The following SNX13 variants were observed in gnomAD, a reference collection of about 807,000 sequenced individuals.
The protein encoded by SNX13 is sorting nexin 13.
SNX13 carries 45 observed loss-of-function variants against 133.6 expected under a neutral mutation model. That is an observed-to-expected ratio of 0.34 (90% CI 0.27 to 0.43). The LOEUF is 0.43. Ranked by LOEUF, SNX13 falls within the 20% of genes least tolerant of loss-of-function variation. SNX13 has a pLI of 1.00. For synonymous variants in SNX13, 414 were observed against 373.9 expected, an observed-to-expected ratio of 1.11 and a Z score of -1.24; for missense variants, 1,032 against 1,145.1, an observed-to-expected ratio of 0.90 and a Z score of 1.43.
At chr7:17,938,363 T>C (rs1376348010) in intron 1 of SNX13, among the ~76,000 whole-genome samples, 2 of 152,218 alleles carry the variant, frequency 1.3e-5, no homozygotes, top group East Asian at 1.9e-4. Context: ...GTTTCGACTG[T>C]CACTAATATT....
chr7:17,854,767 CCTCT>C (rs1434404223), intron 9 of SNX13, among the ~76,000 whole-genome samples: 22 of 152,164 alleles, frequency 1.4e-4, no homozygotes, highest in Non-Finnish European at 2.9e-5. Context: ...TCTAGTAGGG[CCTCT>C]CTATTAACTC....
At chr7:17,908,721 C>G (rs1343796554) in intron 1 of SNX13, among the ~76,000 whole-genome samples, 2 of 152,120 alleles carry the variant, frequency 1.3e-5, no homozygotes, top group Non-Finnish European at 2.9e-5. Context: ...GTAAATAAAG[C>G]ATAGTTTTCC....
At chr7:17,896,734 T>C (rs1797254521) in intron 2 of SNX13, among the ~76,000 whole-genome samples, 1 of 152,118 alleles carries the variant, frequency 6.6e-6, no homozygotes, top group Admixed American at 6.6e-5. Context: ...AATATTTCCT[T>C]GTAATTCGTG....
chr7:17,882,724 G>GT (rs970762859), intron 5 of SNX13: 127 of 984,758 alleles, frequency 1.3e-4, no homozygotes, highest in Non-Finnish European at 1.6e-4. Context: ...ATCAAGATTA[G>GT]TAACAACCTG....
chr7:17,876,683 A>G (rs1223130068), intron 5 of SNX13, among the ~76,000 whole-genome samples: 1 of 152,110 alleles, frequency 6.6e-6, no homozygotes, highest in East Asian at 1.9e-4. Flanking sequence ...ATACTCATGA[A>G]AAAGGTGATT....
intron 17 of SNX13, among the ~76,000 whole-genome samples, chr7:17,824,900 G>A (rs2128305058): frequency 6.6e-6 from 1 of 151,916 alleles, no homozygotes; most frequent in East Asian, 1.9e-4. Context: ...CTCCCTAGTA[G>A]CTGGGACTAC....
intron 9 of SNX13, among the ~76,000 whole-genome samples, chr7:17,854,772 C>G (rs1276770717): frequency 6.6e-6 from 1 of 152,094 alleles, no homozygotes; most frequent in East Asian, 1.9e-4. Context: ...TAGGGCCTCT[C>G]TATTAACTCA....
At chr7:17,870,864 T>A (rs1158119532) in intron 8 of SNX13, among the ~76,000 whole-genome samples, 1 of 152,182 alleles carries the variant, frequency 6.6e-6, no homozygotes, top group Non-Finnish European at 1.5e-5. Flanking sequence ...AACAATTGGA[T>A]ACTATCCATA....
At chr7:17,833,106 CTTCA>C (rs1362656183) in intron 15 of SNX13, among the ~76,000 whole-genome samples, 2 of 151,444 alleles carry the variant, frequency 1.3e-5, no homozygotes, top group Non-Finnish European at 3.0e-5. Flanking sequence ...TTTTTATTGA[CTTCA>C]TTCACTTGGT....
intron 1 of SNX13, among the ~76,000 whole-genome samples, chr7:17,910,188 G>A (rs1208672650): frequency 1.3e-5 from 2 of 152,074 alleles, no homozygotes; most frequent in Non-Finnish European, 2.9e-5. Context: ...TAAATAGACT[G>A]ATATTTAATT....
intron 11 of SNX13, among the ~76,000 whole-genome samples, chr7:17,846,245 G>GA (rs770235067): frequency 5.4e-4 from 76 of 140,898 alleles, no homozygotes; most frequent in South Asian, 1.8e-3. Context: ...ACCTACATAT[G>GA]AAAAAAAAAA....
intron 12 of SNX13, among the ~76,000 whole-genome samples, chr7:17,845,072 TG>T (rs1390309125): frequency 1.3e-5 from 2 of 151,878 alleles, no homozygotes; most frequent in Non-Finnish European, 2.9e-5. Context: ...AACATAGTAC[TG>T]GAAGTACTAG....
intron 4 of SNX13, among the ~76,000 whole-genome samples, chr7:17,890,731 A>G (rs2127992087): frequency 6.6e-6 from 1 of 152,006 alleles, no homozygotes; most frequent in East Asian, 1.9e-4. Context: ...AAAATAAAAC[A>G]CTATCTATGG....
At chr7:17,896,601 C>T (rs541197399) in intron 2 of SNX13, among the ~76,000 whole-genome samples, 78 of 152,282 alleles carry the variant, frequency 5.1e-4, no homozygotes, top group African/African-American at 1.8e-3. Context: ...CATTCCACAA[C>T]TAACTACATA....
At chr7:17,803,626 T>G (rs752196134) in intron 20 of SNX13, 46 bp from the exon 21 acceptor site, 17 of 1,514,492 alleles carry the variant, frequency 1.1e-5, no homozygotes, top group Middle Eastern at 3.8e-4. Flanking sequence ...TGTACCAGAG[T>G]TGTTATCCAA....
At chr7:17,934,743 A>C (rs187431485) in intron 1 of SNX13, among the ~76,000 whole-genome samples, 24 of 152,318 alleles carry the variant, frequency 1.6e-4, no homozygotes, top group African/African-American at 5.8e-4. Context: ...ACATGTCTCA[A>C]AGGAAGACAT....
intron 13 of SNX13, 46 bp from the exon 14 acceptor site, chr7:17,834,911 C>T: frequency 9.3e-7 from 1 of 1,080,922 alleles, no homozygotes; most frequent in Non-Finnish European, 1.4e-6. Context: ...TTTCTTAATA[C>T]AAGATGATAC....
At chr7:17,861,026 T>C (rs576631995) in intron 9 of SNX13, among the ~76,000 whole-genome samples, 1 of 151,904 alleles carries the variant, frequency 6.6e-6, no homozygotes, top group East Asian at 1.9e-4. Context: ...TATTTGTGTC[T>C]TTTTTTTGTG....
At chr7:17,939,166 G>A (rs1802462939) in intron 1 of SNX13, among the ~76,000 whole-genome samples, 1 of 152,120 alleles carries the variant, frequency 6.6e-6, no homozygotes, top group Non-Finnish European at 1.5e-5. Context: ...GCAAGTACGT[G>A]CTTTACCATC....
Sources: allele counts gnomAD v4.1 joint callset (sites outside exome capture counted in the v4.1 genomes callset), GRCh38; gene constraint gnomAD v4.1.1; transcripts MANE v1.5; gene names NCBI Gene and HGNC (gene_info 2026-07-23, HGNC 2026-07-21).